The following CDH12 variants were observed in gnomAD, a reference collection of about 807,000 sequenced individuals.
CDH12 encodes the protein cadherin 12, also known as cadherin-12.
In CDH12, 41 loss-of-function variants were observed where a neutral mutation model predicts 74.1. That is an observed-to-expected ratio of 0.55 (90% CI 0.43 to 0.72). The LOEUF (loss-of-function observed/expected upper bound fraction) is 0.72. Ranked by LOEUF, CDH12 falls within the 30% of genes least tolerant of loss-of-function variation. The pLI is 0.00. For missense variants in CDH12, 945 were observed against 977.2 expected (o/e 0.97, Z 0.44); for synonymous variants, 399 against 355.0 (o/e 1.12, Z -1.39).
rs544961734 is a variant in CDH12 at position 22,380,677 on chromosome 5, A to G, written c.-333+24580T>C. ...GTGTCTATTTTTACAATATGTGAAT[A>G]ATGATGTAGCTGCATCATGTTAAAT... On this transcript the variant is annotated intron_variant, in intron 3 of 14. Transcript: ENST00000382254. 2.0e-5 allele frequency among the ~76,000 whole-genome samples: 3 copies of G among 152,272 alleles called. No homozygotes were observed. The East Asian group carries it at 5.8e-4, about 29-fold the overall frequency.
At chr5:22,524,667 C>A (rs1330802851) in intron 1 of CDH12, among the ~76,000 whole-genome samples, 1 of 152,116 alleles carries the variant, frequency 6.6e-6, no homozygotes, top group Admixed American at 6.6e-5. Context: ...TTGGAATAGA[C>A]CATGCTACAT....
intron 11 of CDH12, among the ~76,000 whole-genome samples, chr5:21,782,880 TATTCCATAGTG>T (rs374634215): frequency 2.6e-5 from 4 of 152,274 alleles, no homozygotes; most frequent in African/African-American, 9.6e-5. Flanking sequence ...AACTCCTGTA[TATTCCATAGTG>T]ATAGTCATCA....
intron 2 of CDH12, among the ~76,000 whole-genome samples, chr5:22,448,261 A>C (rs1278974039): frequency 2.0e-5 from 3 of 152,006 alleles, no homozygotes; most frequent in East Asian, 1.9e-4. Flanking sequence ...TTAAAGTTCA[A>C]ATTAAATTAT....
intron 6 of CDH12, among the ~76,000 whole-genome samples, chr5:21,937,707 T>C (rs1173200426): frequency 6.6e-6 from 1 of 151,642 alleles, no homozygotes; most frequent in East Asian, 1.9e-4. Flanking sequence ...ACCAAGTGGG[T>C]CCCACAGGGA....
chr5:21,785,321 A>G (rs1337050935), intron 10 of CDH12, among the ~76,000 whole-genome samples: 2 of 152,180 alleles, frequency 1.3e-5, no homozygotes, highest in South Asian at 4.1e-4. Flanking sequence ...ATCGAAAATA[A>G]GTCGAGTAGT....
intron 2 of CDH12, among the ~76,000 whole-genome samples, chr5:22,487,449 C>T (rs1339476741): frequency 6.6e-6 from 1 of 151,998 alleles, no homozygotes; most frequent in Non-Finnish European, 1.5e-5. Flanking sequence ...TCAGGGATTT[C>T]CTGGATCTGA....
intron 6 of CDH12, among the ~76,000 whole-genome samples, chr5:21,873,457 T>TA (rs977565522): frequency 6.6e-6 from 1 of 152,182 alleles, no homozygotes; most frequent in African/African-American, 2.4e-5. Context: ...TATTGCCATT[T>TA]AACACCTCTG....
intron 11 of CDH12, among the ~76,000 whole-genome samples, chr5:21,768,036 G>A (rs185063779): frequency 4.0e-5 from 6 of 151,802 alleles, no homozygotes; most frequent in Non-Finnish European, 7.4e-5. Flanking sequence ...GATTCAGCAT[G>A]AGTATTATTA....
Position 21,854,731 on chromosome 5 carries a change from C to G in CDH12, c.586G>C (p.Ala196Pro). ...DADDPTYGNS[A>P]RVVYSILQGQ... ...TGAAGAATGCTGTAAACGACTCTGG[C>G]ACTGTTTCCATAGGTCGGGTCATCT... The change falls in exon 7 of 15, where the codon GCC becomes CCC. Residue 196 changes from alanine (A) to proline (P), a missense_variant. This residue lies in a region of CDH12 where 791 missense variants were observed against 792.8 expected (regional missense o/e 1.00). Transcript: ENST00000382254. 2 of 1,609,140 alleles carry G rather than the reference C, an allele frequency of 1.2e-6. No homozygotes were observed. The highest frequency in any genetic ancestry group is 1.1e-5 in the South Asian group (1 of 90,828).
intron 3 of CDH12, among the ~76,000 whole-genome samples, chr5:22,300,028 A>C (rs2150419049): frequency 6.6e-6 from 1 of 152,336 alleles, no homozygotes; most frequent in South Asian, 2.1e-4. Context: ...TTCACATTTT[A>C]AAATGAATAT....
chr5:22,655,731 T>C (rs1354034937), intron 1 of CDH12, among the ~76,000 whole-genome samples: 5 of 152,216 alleles, frequency 3.3e-5, no homozygotes, highest in Admixed American at 2.6e-4. Context: ...TACATTGGGA[T>C]TTGCCTTTGT....
intron 3 of CDH12, among the ~76,000 whole-genome samples, chr5:22,273,552 A>G (rs146190397): frequency 4.6e-5 from 7 of 152,364 alleles, no homozygotes; most frequent in Non-Finnish European, 1.0e-4. Flanking sequence ...CACCAAGCTA[A>G]TAACAATGAT....
At chr5:22,101,597 A>G (rs1210061358) in intron 4 of CDH12, among the ~76,000 whole-genome samples, 2 of 152,166 alleles carry the variant, frequency 1.3e-5, no homozygotes, top group East Asian at 3.9e-4. Flanking sequence ...TTCCATCTTA[A>G]TAAGGAACAT....
At chr5:22,489,056 C>CTTTTTTTTTTTTTTGTTTTTTTTTTTT (rs1746733271) in intron 2 of CDH12, among the ~76,000 whole-genome samples, 1 of 37,314 alleles carries the variant, frequency 2.7e-5, no homozygotes, top group African/African-American at 1.1e-4. Flanking sequence ...TTGGTACCAC[C>CTTTTTTTTTTTTTTGTTTTTTTTTTTT]TTTTTTTTTT....
chr5:22,516,955 G>A (rs1030667731), intron 1 of CDH12, among the ~76,000 whole-genome samples: 7 of 152,064 alleles, frequency 4.6e-5, no homozygotes, highest in Admixed American at 3.3e-4. Flanking sequence ...GTTTAGATGC[G>A]AAAAACAATG....
At chr5:22,442,747 G>A (rs910090544) in intron 2 of CDH12, among the ~76,000 whole-genome samples, 3 of 152,058 alleles carry the variant, frequency 2.0e-5, no homozygotes, top group Non-Finnish European at 2.9e-5. Flanking sequence ...GAAGCCTGGA[G>A]TCTTTTCACA....
intron 3 of CDH12, among the ~76,000 whole-genome samples, chr5:22,220,149 A>G (rs1304520127): frequency 6.6e-6 from 1 of 151,802 alleles, no homozygotes; most frequent in Non-Finnish European, 1.5e-5. Context: ...GCTGATGGAC[A>G]TATACAGTGC....
chr5:22,317,232 G>A (rs967745910), intron 3 of CDH12, among the ~76,000 whole-genome samples: 2 of 151,958 alleles, frequency 1.3e-5, no homozygotes, highest in Non-Finnish European at 2.9e-5. Context: ...ACAGGAGAAT[G>A]GCTTGAACCT....
intron 1 of CDH12, among the ~76,000 whole-genome samples, chr5:22,594,258 C>T (rs1736485641): frequency 6.6e-6 from 1 of 152,220 alleles, no homozygotes; most frequent in African/African-American, 2.4e-5. Context: ...CTTAGCCACA[C>T]TGGGACTTGG....
Sources: allele counts gnomAD v4.1 joint callset (sites outside exome capture counted in the v4.1 genomes callset), GRCh38; gene constraint gnomAD v4.1.1; regional missense constraint gnomAD v4.1.1; transcripts MANE v1.5; gene names NCBI Gene and HGNC (gene_info 2026-07-23, HGNC 2026-07-21).